Variants in PREX1 observed in about 807,000 individuals in gnomAD.
The protein encoded by PREX1 is phosphatidylinositol-3,4,5-trisphosphate dependent Rac exchange factor 1.
PREX1 carries 41 observed loss-of-function variants against 198.3 expected under a neutral mutation model. That is an observed-to-expected ratio of 0.21 (90% CI 0.16 to 0.27). PREX1 has a LOEUF of 0.27. Among genes scored for constraint, PREX1 ranks in the 10% least tolerant of loss-of-function variants. PREX1 has a pLI of 1.00. For missense variants in PREX1, 1,620 were observed against 2,200.7 expected, an observed-to-expected ratio of 0.74 and a Z score of 5.28; for synonymous variants, 843 against 887.2, an observed-to-expected ratio of 0.95 and a Z score of 0.89.
At chr20:48,729,779 T>G (rs2090026573) in intron 4 of PREX1, among the ~76,000 whole-genome samples, 1 of 152,218 alleles carries the variant, frequency 6.6e-6, no homozygotes. Flanking sequence ...GCAGTAGCCC[T>G]GCAGTCGGTT....
At chr20:48,856,037 A>G in the PREX1 span, among the ~76,000 whole-genome samples, 1 of 152,232 alleles carries the variant, frequency 6.6e-6, no homozygotes, top group East Asian at 1.9e-4. Context: ...GTGATCAGAG[A>G]AGGCCTCTTG....
rs1409404227 is a variant in PREX1 at position 48,650,041 on chromosome 20, G to A, written c.2983C>T (p.Arg995Cys). 10 of 1,614,212 alleles carry A rather than the reference G, an allele frequency of 6.2e-6. No homozygotes were observed. Among genetic ancestry groups the A allele is most frequent in the Admixed American group, 1.7e-5 (1 of 60,034 alleles). Reference sequence around the variant, plus strand: ...ATGAGGGAGGGTTTGCGTCCAAAGCGGATGCTGAAGGACCTGCCCACTGAG... The same window carrying A: ...ATGAGGGAGGGTTTGCGTCCAAAGCAGATGCTGAAGGACCTGCCCACTGAG... Reference protein sequence around the residue: ...TPSVGRSFSIRFGRKPSLIGL... With the variant: ...TPSVGRSFSICFGRKPSLIGL... The change falls in exon 24 of 40, where the codon CGC becomes TGC. Residue 995 changes from arginine to cysteine, a missense_variant. By Grantham distance (180) the Arg-to-Cys change is radical. Around this residue, in one of 7 missense-constraint regions of PREX1, gnomAD observed 514 missense variants for 611.6 expected, o/e 0.84. Transcript: ENST00000371941.
intron 1 of PREX1, among the ~76,000 whole-genome samples, chr20:48,781,824 C>T (rs552518017): frequency 5.3e-5 from 8 of 152,260 alleles, no homozygotes; most frequent in African/African-American, 1.4e-4. Flanking sequence ...ATTTGCATGC[C>T]CTCATGACCC....
chr20:48,628,230 T>G (rs1380593469), intron 37 of PREX1, among the ~76,000 whole-genome samples: 1 of 152,174 alleles, frequency 6.6e-6, no homozygotes, highest in Non-Finnish European at 1.5e-5. Context: ...CCCTGTGACA[T>G]TCCCAGTGCC....
At chr20:48,708,522 G>A (rs183287184) in intron 5 of PREX1, 101 bp from the exon 6 acceptor site, 8 of 1,278,886 alleles carry the variant, frequency 6.3e-6, no homozygotes, top group African/African-American at 3.0e-5. Context: ...AAAACTCCTC[G>A]CCTGGTGGAC....
intron 1 of PREX1, among the ~76,000 whole-genome samples, chr20:48,802,023 T>G (rs1307379273): frequency 6.6e-6 from 1 of 152,150 alleles, no homozygotes; most frequent in East Asian, 1.9e-4. Context: ...CCCTTGAACT[T>G]CCCAGCCTGT....
At chr20:48,786,345 G>C (rs1021358396) in intron 1 of PREX1, among the ~76,000 whole-genome samples, 1 of 152,184 alleles carries the variant, frequency 6.6e-6, no homozygotes, top group African/African-American at 2.4e-5. Context: ...CCATCCTACA[G>C]AGACCCTAGA....
At chr20:48,707,135 A>G (rs117277835) in intron 6 of PREX1, among the ~76,000 whole-genome samples, 1,755 of 152,334 alleles carry the variant, frequency 0.012, 20 homozygotes, top group Middle Eastern at 0.02. Flanking sequence ...TTCTAACGTT[A>G]CCACGGAAAG....
intron 1 of PREX1, among the ~76,000 whole-genome samples, chr20:48,761,608 C>T (rs2090180656): frequency 6.6e-6 from 1 of 151,998 alleles, no homozygotes; most frequent in Non-Finnish European, 1.5e-5. Context: ...AGGTCTGATG[C>T]AACAGTGGGG....
the PREX1 span, among the ~76,000 whole-genome samples, chr20:48,887,681 T>C: frequency 1.1e-4 from 16 of 151,696 alleles, no homozygotes; most frequent in Non-Finnish European, 1.6e-4. Context: ...GTGCGGTGAT[T>C]CACGCCTGTA....
chr20:48,779,474 C>T (rs952650620), intron 1 of PREX1, among the ~76,000 whole-genome samples: 1 of 152,156 alleles, frequency 6.6e-6, no homozygotes, highest in Non-Finnish European at 1.5e-5. Context: ...TATCTACTTA[C>T]CATATGGCCC....
upstream of PREX1, among the ~76,000 whole-genome samples, chr20:48,830,641 C>T (rs1203409056): frequency 6.6e-6 from 1 of 152,232 alleles, no homozygotes. Context: ...ATGTTTTATA[C>T]ATCGTTACTT....
rs572580661 is a variant in PREX1 at position 48,652,832 on chromosome 20, A to G, written c.2347-126T>C. 101 of 1,162,468 alleles carry G rather than the reference A, an allele frequency of 8.7e-5. 1 individual carries two copies. In the African/African-American group the frequency reaches 1.4e-3, roughly 17 times the overall value. 72.0% of individuals were successfully genotyped at this position (1,162,468 alleles called of 1,614,324 possible). A position where few individuals can be genotyped will look rare whatever the true frequency, so the allele number is the denominator to read the frequency against. ...AACTCACTGACCACCAGTCACACTC[A>G]GCCCTCACCGTGCACAGTCTATGCT... On this transcript the variant is annotated intron_variant, in intron 20 of 39. Transcript: ENST00000371941.
chr20:48,626,992 G>C (rs2089277851), intron 39 of PREX1, among the ~76,000 whole-genome samples: 1 of 152,144 alleles, frequency 6.6e-6, no homozygotes, highest in African/African-American at 2.4e-5. Flanking sequence ...GGGAGGACAG[G>C]AGGAAACAGC....
intron 16 of PREX1, among the ~76,000 whole-genome samples, chr20:48,659,233 A>AAGGGAAGGAAGGAAGGAAGG (rs1865246388): frequency 1.0e-5 from 1 of 98,844 alleles, no homozygotes; most frequent in Non-Finnish European, 2.2e-5. Context: ...GAGAGAAAGA[A>AAGGGAAGGAAGGAAGGAAGG]AAGGAAGGAA....
At chr20:48,837,955 T>C in the PREX1 span, among the ~76,000 whole-genome samples, 1 of 152,076 alleles carries the variant, frequency 6.6e-6, no homozygotes, top group South Asian at 2.1e-4. Flanking sequence ...AAACATGATA[T>C]TGAGCCAACG....
At chr20:48,668,374 G>C (rs2089653637) in intron 14 of PREX1, among the ~76,000 whole-genome samples, 1 of 152,226 alleles carries the variant, frequency 6.6e-6, no homozygotes, top group Non-Finnish European at 1.5e-5. Flanking sequence ...GGCTGACCTA[G>C]AGTCCCTGCT....
chr20:48,667,691 G>A (rs955048666), intron 14 of PREX1, among the ~76,000 whole-genome samples: 7 of 152,234 alleles, frequency 4.6e-5, no homozygotes, highest in African/African-American at 1.7e-4. Flanking sequence ...ACTTCCCGAA[G>A]GAAGTGACAT....
chr20:48,655,811 G>T (rs1210759048), intron 18 of PREX1, among the ~76,000 whole-genome samples: 1 of 152,182 alleles, frequency 6.6e-6, no homozygotes, highest in Non-Finnish European at 1.5e-5. Flanking sequence ...TAGGAAGGCA[G>T]GTCTGGGCCA....
Sources: gnomAD v4.1 joint callset for allele counts (sites outside exome capture counted in the v4.1 genomes callset) on GRCh38, gnomAD v4.1.1 for gene constraint, gnomAD v4.1.1 regional missense constraint, MANE v1.5 for transcripts, NCBI Gene and HGNC (gene_info 2026-07-23, HGNC 2026-07-21) for gene names.